The following ZNF148 variants were observed in gnomAD, a reference collection of about 807,000 sequenced individuals.
ZNF148 encodes zinc finger protein 148.
In ZNF148, 7 loss-of-function variants were observed where a neutral mutation model predicts 67.7. The observed-to-expected ratio is 0.10, with a 90% CI of 0.06 to 0.19. ZNF148 has a LOEUF of 0.19. Among genes scored for constraint, ZNF148 ranks in the 10% least tolerant of loss-of-function variants. The pLI, the probability that ZNF148 is intolerant of heterozygous loss-of-function variation, is 1.00. For missense variants in ZNF148, 583 were observed against 947.1 expected (o/e 0.62, Z 5.05); for synonymous variants, 333 against 330.7 (o/e 1.01, Z -0.08).
chr3:125,341,042 G>C (rs1198894718), intron 1 of ZNF148, among the ~76,000 whole-genome samples: 1 of 92,166 alleles, frequency 1.1e-5, no homozygotes, highest in Non-Finnish European at 2.4e-5. Flanking sequence ...AAACACCTAA[G>C]AAAATCATAC....
At chr3:125,249,633 A>C (rs902802930) in intron 7 of ZNF148, among the ~76,000 whole-genome samples, 59 of 152,298 alleles carry the variant, frequency 3.9e-4, no homozygotes, top group East Asian at 5.8e-4. Flanking sequence ...ACAAAAAAAA[A>C]CTAAAAATAG....
rs1300206915 is a variant in ZNF148, at chr3:125,233,667, A to G, written c.1059T>C (p.Thr353=). The change falls in exon 9 of 9, where the codon ACT becomes ACC. Residue 353 remains threonine (T), a synonymous_variant. Transcript: ENST00000360647. This position sits in a 1 kb window ranked among gnomAD's most constrained non-coding sequence, Gnocchi z 5.1. The part of the protein sequence containing the change: ...NDYLPLYSSS[T]KVKDEYMVAE... ...CAACCATATACTCATCTTTTACTTT[A>G]GTACTTGAAGAATAAAGAGGCAAGT... The G allele has an allele frequency of 6.2e-7, 1 of 1,613,832 alleles. No homozygotes were observed. Among genetic ancestry groups the G allele is most frequent in the East Asian group, 2.2e-5 (1 of 44,880 alleles).
chr3:125,258,456 A>G (rs6438888), intron 7 of ZNF148, among the ~76,000 whole-genome samples: 113,555 of 143,914 alleles, frequency 0.79, 45,664 homozygotes, highest in African/African-American at 0.92. Context: ...GGGGGATAGC[A>G]TCTTCCTATG....
At chr3:125,323,775 A>G (rs962243721) in intron 2 of ZNF148, among the ~76,000 whole-genome samples, 2 of 152,250 alleles carry the variant, frequency 1.3e-5, no homozygotes, top group East Asian at 1.9e-4. Context: ...CCTGGCTAAC[A>G]TGATGAAACC....
At chr3:125,287,108 C>A (rs770020204) in intron 5 of ZNF148, among the ~76,000 whole-genome samples, 8 of 151,784 alleles carry the variant, frequency 5.3e-5, no homozygotes, top group Non-Finnish European at 8.8e-5. Context: ...ACTAATAAGT[C>A]CAAAAGTATA....
intron 7 of ZNF148, among the ~76,000 whole-genome samples, chr3:125,267,827 C>A (rs539557205): frequency 6.6e-6 from 1 of 152,212 alleles, no homozygotes; most frequent in Non-Finnish European, 1.5e-5. Flanking sequence ...ATCTAGAAAG[C>A]CCTAAAGACT....
intron 1 of ZNF148, among the ~76,000 whole-genome samples, chr3:125,343,365 G>A (rs1258848635): frequency 2.6e-5 from 4 of 152,162 alleles, no homozygotes; most frequent in Non-Finnish European, 5.9e-5. Context: ...ACTTCCTGGG[G>A]ACTAGGGACT....
At chr3:125,275,743 C>T (rs192100611) in intron 7 of ZNF148, among the ~76,000 whole-genome samples, 60 of 152,322 alleles carry the variant, frequency 3.9e-4, no homozygotes, top group Admixed American at 1.0e-3. Context: ...CAGTTGATTA[C>T]AGGATTGTGA....
intron 4 of ZNF148, among the ~76,000 whole-genome samples, chr3:125,298,343 G>GCACACACACACACACACA (rs1443914103): frequency 1.3e-4 from 4 of 31,464 alleles, no homozygotes; most frequent in Admixed American, 4.9e-4. Context: ...TTATAAATGT[G>GCACACACACACACACACA]CATACACACA....
chr3:125,273,706 T>C (rs4679378), intron 7 of ZNF148, among the ~76,000 whole-genome samples: 81,884 of 151,826 alleles, frequency 0.54, 23,247 homozygotes, highest in Middle Eastern at 0.67. Context: ...GTTCTCAAAC[T>C]CCTGACCTCG....
chr3:125,286,822 G>GA (rs1938685928), intron 5 of ZNF148, among the ~76,000 whole-genome samples: 1 of 152,104 alleles, frequency 6.6e-6, no homozygotes, highest in African/African-American at 2.4e-5. Flanking sequence ...GAATATGGCA[G>GA]AAAATCCAAG....
chr3:125,288,312 T>C (rs1371552381), intron 4 of ZNF148, 84 bp from the exon 5 acceptor site: 2 of 1,394,566 alleles, frequency 1.4e-6, no homozygotes, highest in Non-Finnish European at 9.6e-7. Flanking sequence ...AATCCTTTGC[T>C]AAACCCACAT....
intron 2 of ZNF148, among the ~76,000 whole-genome samples, chr3:125,327,338 G>A (rs1019492829): frequency 6.6e-6 from 1 of 152,148 alleles, no homozygotes; most frequent in Non-Finnish European, 1.5e-5. Flanking sequence ...AGAATAATTA[G>A]ACAGAAAATT....
intron 7 of ZNF148, among the ~76,000 whole-genome samples, chr3:125,266,017 C>T (rs188267900): frequency 2.0e-5 from 3 of 152,164 alleles, no homozygotes; most frequent in Non-Finnish European, 4.4e-5. Context: ...AACAAGAAGA[C>T]TTAACTATCC....
intron 7 of ZNF148, among the ~76,000 whole-genome samples, chr3:125,240,015 T>C (rs974139061): frequency 6.6e-6 from 1 of 152,184 alleles, no homozygotes; most frequent in Non-Finnish European, 1.5e-5. Flanking sequence ...GTGGTGATAG[T>C]TGTACAACTC....
At chr3:125,251,808 G>A (rs1414292209) in intron 7 of ZNF148, among the ~76,000 whole-genome samples, 1 of 152,106 alleles carries the variant, frequency 6.6e-6, no homozygotes, top group Non-Finnish European at 1.5e-5. Flanking sequence ...ATTATATAGG[G>A]TATATAGCTA....
At chr3:125,313,176 ATATTT>A in intron 4 of ZNF148, 127 bp downstream of exon 4, 1 of 600,498 alleles carries the variant, frequency 1.7e-6, no homozygotes, top group East Asian at 2.9e-5. Flanking sequence ...ATTTATGTCA[ATATTT>A]TAGTATATCT....
intron 1 of ZNF148, among the ~76,000 whole-genome samples, chr3:125,364,040 G>A (rs776613165): frequency 6.6e-5 from 10 of 152,128 alleles, no homozygotes; most frequent in Non-Finnish European, 1.5e-4. Flanking sequence ...TTCTTAAATA[G>A]TCTCTTATTT....
chr3:125,326,648 G>A (rs1468643746), intron 2 of ZNF148, among the ~76,000 whole-genome samples: 1 of 147,946 alleles, frequency 6.8e-6, no homozygotes, highest in Non-Finnish European at 1.5e-5. Flanking sequence ...ATAAACCATA[G>A]TGAAATGACA....
Sources: gnomAD v4.1 joint callset for allele counts (sites outside exome capture counted in the v4.1 genomes callset) on GRCh38, gnomAD v4.1.1 for gene constraint, Gnocchi (gnomAD v3.1) non-coding constraint, MANE v1.5 for transcripts, NCBI Gene and HGNC (gene_info 2026-07-23, HGNC 2026-07-21) for gene names.